PSPC1: variants seen among roughly 807,000 people sequenced by gnomAD.
PSPC1 encodes paraspeckle component 1.
A neutral mutation model predicts 51.6 loss-of-function variants in PSPC1; 14 were observed. The observed-to-expected ratio is 0.27, with a 90% confidence interval of 0.18 to 0.42. PSPC1 has a LOEUF of 0.42. PSPC1 is among the 10% of genes least tolerant of loss of function. The pLI, the probability that PSPC1 is intolerant of heterozygous loss-of-function variation, is 1.00. For synonymous variants in PSPC1, 193 were observed against 231.9 expected (o/e 0.83, Z 1.53); for missense variants, 406 against 701.1 (o/e 0.58, Z 4.75).
chr13:19,782,626 C>G lies in PSPC1; in HGVS notation c.132G>C (p.Glu44Asp). 7.0e-6 allele frequency: 11 copies of G among 1,575,020 alleles called. No homozygotes were observed. Among genetic ancestry groups the G allele is most frequent in the Non-Finnish European group, 9.4e-6 (11 of 1,165,056 alleles). The change falls in exon 1 of 9, where the codon GAG (glutamate) becomes GAC (aspartate). Residue 44 changes from glutamate (E) to aspartate (D), a missense_variant. Physicochemically the swap from Glu to Asp is conservative, Grantham distance 45. This residue lies in a region of PSPC1 where 128 missense variants were observed against 107.1 expected (regional missense o/e 1.20). Coordinates refer to ENST00000338910, the MANE Select transcript of PSPC1 (RefSeq NM_001354909.2). The surrounding 1 kb of genome is among the most constrained non-coding windows in gnomAD (Gnocchi z 4.5). ...AAAMALALAG[E>D]PAPPAPAPPE... is the part of the protein sequence containing the mutation. ...GAGGCGCGGGCGCGGGCGGTGCCGG[C>G]TCCCCGGCAAGAGCGAGCGCCATGG...
At chr13:19,681,528 A>G (rs1877266847) in intron 6 of PSPC1, among the ~76,000 whole-genome samples, 1 of 152,228 alleles carries the variant, frequency 6.6e-6, no homozygotes, top group South Asian at 2.1e-4. Flanking sequence ...ACTTGAAGAA[A>G]CAGGATTTTA....
At chr13:19,685,323 C>T (rs9579660) in intron 6 of PSPC1, among the ~76,000 whole-genome samples, 13,145 of 152,222 alleles carry the variant, frequency 0.086, 611 homozygotes, top group Middle Eastern at 0.13. Context: ...CTATTTCCCA[C>T]TTTCAGTCAT....
rs539121338 is a variant in PSPC1 at position 19,704,520 on chromosome 13, C to T, written c.1386+1142G>A. On this transcript the variant is annotated intron_variant, in intron 8 of 8. Transcript: ENST00000338910. Reference sequence around the variant, plus strand: ...AGGCAGTGCTTTCTTTCTTTCTTAGCAGCATTGGCGCCTCAAGATTTCATA... The same window carrying T: ...AGGCAGTGCTTTCTTTCTTTCTTAGTAGCATTGGCGCCTCAAGATTTCATA... Among the ~76,000 whole-genome samples the T allele has an allele frequency of 4.8e-3, 732 of 152,402 alleles. 3 individuals carry two copies. Among genetic ancestry groups the T allele is most frequent in the Non-Finnish European group, 7.9e-3 (536 of 68,036 alleles).
intron 4 of PSPC1, among the ~76,000 whole-genome samples, chr13:19,750,101 A>T (rs543629704): frequency 8.5e-5 from 13 of 152,208 alleles, no homozygotes; most frequent in Non-Finnish European, 1.9e-4. Context: ...AAGGATTTAG[A>T]GAAGAATGAT....
intron 6 of PSPC1, among the ~76,000 whole-genome samples, chr13:19,710,770 C>T (rs180963081): frequency 2.6e-5 from 4 of 152,156 alleles, no homozygotes; most frequent in Admixed American, 1.3e-4. Context: ...AACAAAAACA[C>T]CATCATGAAG....
intron 5 of PSPC1, among the ~76,000 whole-genome samples, chr13:19,730,969 A>AAAAAAAAAAAAAAAC (rs1884023504): frequency 4.8e-5 from 7 of 146,606 alleles, no homozygotes; most frequent in Non-Finnish European, 1.1e-4. Flanking sequence ...AAAAAACAAA[A>AAAAAAAAAAAAAAAC]AAAAAAAAAA....
At chr13:19,696,355 A>T (rs925726458) in intron 6 of PSPC1, among the ~76,000 whole-genome samples, 3 of 152,224 alleles carry the variant, frequency 2.0e-5, no homozygotes, top group South Asian at 2.1e-4. Flanking sequence ...GACTGAAATC[A>T]GGTGACTGTT....
chr13:19,768,699 A>C (rs1265555869), intron 2 of PSPC1, among the ~76,000 whole-genome samples: 1 of 151,116 alleles, frequency 6.6e-6, no homozygotes, highest in Non-Finnish European at 1.5e-5. Flanking sequence ...AAAAAAATGG[A>C]CAAAAAATTT....
At chr13:19,737,311 G>A (rs1365048699) in intron 5 of PSPC1, 1 of 152,092 alleles carries the variant, frequency 6.6e-6, no homozygotes, top group Non-Finnish European at 1.5e-5. Context: ...ATTGCATTTA[G>A]TCGTTATTTC....
intron 1 of PSPC1, among the ~76,000 whole-genome samples, chr13:19,777,188 G>A (rs1889240229): frequency 6.8e-6 from 1 of 147,480 alleles, no homozygotes; most frequent in Non-Finnish European, 1.5e-5. Context: ...CCAGCACTTT[G>A]GGAGGCTGAG....
chr13:19,782,290 G>A lies in PSPC1; in HGVS notation c.372+96C>T. 2 of 1,455,238 alleles carry A rather than the reference G, an allele frequency of 1.4e-6. No homozygotes were observed. The highest frequency in any genetic ancestry group is 1.8e-6 in the Non-Finnish European group (2 of 1,107,046). The allele number at this position is 1,455,238 out of a possible 1,614,324, so 90.1% of individuals were successfully genotyped here. On this transcript the variant is annotated intron_variant, in intron 1 of 8. Coordinates refer to ENST00000338910, the MANE Select transcript of PSPC1 (RefSeq NM_001354909.2). The surrounding 1 kb of genome is among the most constrained non-coding windows in gnomAD (Gnocchi z 4.5). ...AGCGGCGCCACGGTTGCCACAGGTT[G>A]AGACAGCGTCCTAGGACGAGGCTGG...
chr13:19,701,163 G>A (rs1396407507), downstream of PSPC1, among the ~76,000 whole-genome samples: 1 of 151,582 alleles, frequency 6.6e-6, no homozygotes, highest in East Asian at 1.9e-4. Context: ...TTGTGCACTG[G>A]CCTTCGAGTG....
chr13:19,767,155 G>A (rs540217084), intron 2 of PSPC1, among the ~76,000 whole-genome samples: 62 of 150,418 alleles, frequency 4.1e-4, no homozygotes, highest in African/African-American at 1.4e-3. Context: ...TTAAAAATAC[G>A]AAAAAAAATA....
At chr13:19,743,398 T>C (rs1473534257) in intron 4 of PSPC1, among the ~76,000 whole-genome samples, 2 of 152,090 alleles carry the variant, frequency 1.3e-5, no homozygotes, top group Non-Finnish European at 2.9e-5. Context: ...TTCATAACAA[T>C]AGCAAGACAG....
chr13:19,730,385 TG>T, intron 5 of PSPC1, 41 bp from the exon 6 acceptor site: 1 of 1,537,708 alleles, frequency 6.5e-7, no homozygotes. Flanking sequence ...TCATAACATG[TG>T]GGCTGCCATT....
At chr13:19,770,335 T>C (rs1888508094) in intron 2 of PSPC1, among the ~76,000 whole-genome samples, 1 of 152,228 alleles carries the variant, frequency 6.6e-6, no homozygotes. Flanking sequence ...ATTATGGCAG[T>C]GTGTTACATG....
chr13:19,757,286 A>G (rs1231967535), intron 3 of PSPC1, among the ~76,000 whole-genome samples: 1 of 152,164 alleles, frequency 6.6e-6, no homozygotes, highest in African/African-American at 2.4e-5. Flanking sequence ...ACAGACCATC[A>G]AGCTTCAGAT....
At chr13:19,764,296 CT>C (rs893081087) in intron 2 of PSPC1, among the ~76,000 whole-genome samples, 3 of 152,014 alleles carry the variant, frequency 2.0e-5, no homozygotes, top group Admixed American at 6.6e-5. Context: ...CCTATACATG[CT>C]TTTTTTCAGA....
chr13:19,703,525 A>G (rs1001001705), intron 8 of PSPC1, among the ~76,000 whole-genome samples, 165 bp from the exon 9 acceptor site: 3 of 152,240 alleles, frequency 2.0e-5, no homozygotes, highest in African/African-American at 4.8e-5. Flanking sequence ...GAGCAATTTA[A>G]TTAGTTACTA....
Sources: gnomAD v4.1 joint callset for allele counts (sites outside exome capture counted in the v4.1 genomes callset) on GRCh38, gnomAD v4.1.1 for gene constraint, gnomAD v4.1.1 regional missense constraint, Gnocchi (gnomAD v3.1) non-coding constraint, MANE v1.5 for transcripts, NCBI Gene and HGNC (gene_info 2026-07-23, HGNC 2026-07-21) for gene names.